Variants in PSD2 observed in about 807,000 individuals in gnomAD.
PSD2 encodes PH and SEC7 domain-containing protein 2.
A neutral mutation model predicts 69.8 loss-of-function variants in PSD2; 38 were observed. The observed-to-expected ratio is 0.54, with a 90% CI of 0.42 to 0.71. The LOEUF (loss-of-function observed/expected upper bound fraction) is 0.71. Ranked by LOEUF, PSD2 falls within the 30% of genes least tolerant of loss-of-function variation. The pLI, the probability that PSD2 is intolerant of heterozygous loss-of-function variation, is 0.00. For missense variants in PSD2, 943 were observed against 1,014.5 expected (o/e 0.93, Z 0.96); for synonymous variants, 412 against 423.0 (o/e 0.97, Z 0.32).
Position 139,837,759 on chromosome 5 carries a change from G to A in PSD2, c.1800G>A (p.Trp600Ter). 1 of 1,613,028 alleles carries A rather than the reference G, an allele frequency of 6.2e-7. No homozygotes were observed. The highest frequency in any genetic ancestry group is 1.1e-5 in the South Asian group (1 of 91,020). ...SNVLKLKTAD[W>*]RVFLFQAPSK... ...TGCTGAAGCTTAAGACAGCCGACTG[G>A]AGGGTATTCCTCTTCCAGGCACCGT... is the stretch of plus-strand genomic sequence containing the variant. Residue 600 changes from tryptophan (W) to a stop codon, truncating the protein, a stop_gained, in exon 12 of 15, where the codon TGG becomes TGA. Coordinates refer to ENST00000274710, the MANE Select transcript of PSD2 (RefSeq NM_032289.4). LOFTEE classifies it high-confidence loss of function. This position sits in a 1 kb window ranked among gnomAD's most constrained non-coding sequence, Gnocchi z 5.0.
In PSD2 at chr5:139,842,507, G is replaced by T; in HGVS notation, c.*33G>T. ...GGATTTGCAGACCCCAGGGTGGGCA[G>T]ATGTCTCCAGTGGGGTCAGTGAGCA... On this transcript the variant is annotated 3_prime_UTR_variant, in exon 15 of 15. Transcript: ENST00000274710. The T allele has an allele frequency of 6.3e-7, 1 of 1,592,552 alleles. No individual in the cohort carries two copies. Among genetic ancestry groups the T allele is most frequent in the African/African-American group, 1.3e-5 (1 of 74,650 alleles).
At chr5:139,757,928 C>T in the PSD2 span, among the ~76,000 whole-genome samples, 1 of 152,082 alleles carries the variant, frequency 6.6e-6, no homozygotes, top group Non-Finnish European at 1.5e-5. Context: ...GTAGTCCCAG[C>T]GCTTTGGGAG....
the PSD2 span, among the ~76,000 whole-genome samples, chr5:139,762,053 CT>C: frequency 2.2e-4 from 33 of 151,894 alleles, no homozygotes; most frequent in Non-Finnish European, 3.2e-4. Context: ...ATTTATTTAT[CT>C]TTTTTTTGAG....
intron 5 of PSD2, among the ~76,000 whole-genome samples, chr5:139,818,132 C>T (rs548432531): frequency 2.7e-4 from 41 of 152,112 alleles, no homozygotes; most frequent in Non-Finnish European, 4.9e-4. Context: ...CAGGGGCCAG[C>T]TGGGCAGATA....
At chr5:139,835,500 CT>C (rs1258587869) in intron 8 of PSD2, among the ~76,000 whole-genome samples, 2 of 152,196 alleles carry the variant, frequency 1.3e-5, no homozygotes, top group African/African-American at 4.8e-5. Context: ...TTACAGTCTC[CT>C]ACGGGAGATT....
At chr5:139,764,527 C>T in the PSD2 span, among the ~76,000 whole-genome samples, 36 of 152,170 alleles carry the variant, frequency 2.4e-4, no homozygotes, top group Non-Finnish European at 4.3e-4. Context: ...GCCTGCCTGG[C>T]TGCGGGACCC....
chr5:139,826,914 G>A (rs1358014668), intron 7 of PSD2, among the ~76,000 whole-genome samples: 2 of 152,174 alleles, frequency 1.3e-5, no homozygotes, highest in Non-Finnish European at 2.9e-5. Context: ...GCTGGTACCC[G>A]AAGTGTCTTC....
At chr5:139,840,270 G>C (rs1222964835) in intron 14 of PSD2, 100 bp downstream of exon 14, 1 of 1,337,468 alleles carries the variant, frequency 7.5e-7, no homozygotes, top group Non-Finnish European at 1.0e-6. Flanking sequence ...TAGTGATAAA[G>C]GGGCTCATTG....
At position 139,814,031 on chromosome 5, in the gene PSD2, C is replaced by T; in HGVS notation, c.822-139C>T. ...TTCTTCTGAAAGTCTGATTTCATTCCCTCCGGCTGCAGTGGAGCTTCTTTC... is the reference window on the plus strand; with the variant it reads ...TTCTTCTGAAAGTCTGATTTCATTCTCTCCGGCTGCAGTGGAGCTTCTTTC... On this transcript the variant is annotated intron_variant, in intron 3 of 14. Transcript: ENST00000274710. The surrounding 1 kb of genome is among the most constrained non-coding windows in gnomAD (Gnocchi z 4.4). 2 of 825,390 alleles carry T rather than the reference C, an allele frequency of 2.4e-6. No homozygotes were observed. Among genetic ancestry groups the T allele is most frequent in the East Asian group, 2.5e-5 (1 of 39,846 alleles). 51.1% of individuals were successfully genotyped at this position (825,390 alleles called of 1,614,324 possible). A position where few individuals can be genotyped will look rare whatever the true frequency, so the allele number is the denominator to read the frequency against.
In PSD2 at chr5:139,814,030, C is replaced by T. The variant is rs1581719822; in HGVS notation, c.822-140C>T. ...GTTCTTCTGAAAGTCTGATTTCATT[C>T]CCTCCGGCTGCAGTGGAGCTTCTTT... On this transcript the variant is annotated intron_variant, in intron 3 of 14. Transcript: ENST00000274710. This position sits in a 1 kb window ranked among gnomAD's most constrained non-coding sequence, Gnocchi z 4.4. The T allele has an allele frequency of 1.2e-6, 1 of 820,874 alleles. No individual in the cohort carries two copies. Among genetic ancestry groups the T allele is most frequent in the Admixed American group, 2.4e-5 (1 of 41,540 alleles). 50.8% of individuals were successfully genotyped at this position (820,874 alleles called of 1,614,324 possible).
intron 7 of PSD2, among the ~76,000 whole-genome samples, chr5:139,827,200 G>A (rs1189026244): frequency 1.3e-5 from 2 of 152,244 alleles, no homozygotes; most frequent in African/African-American, 4.8e-5. Context: ...GGGTTTTGGA[G>A]AGAGAGAGCC....
At chr5:139,782,751 C>G in the PSD2 span, among the ~76,000 whole-genome samples, 1 of 152,146 alleles carries the variant, frequency 6.6e-6, no homozygotes, top group Non-Finnish European at 1.5e-5. Flanking sequence ...CCTCGGCCTC[C>G]CAAAGTGCTG....
At chr5:139,835,688 C>A in intron 8 of PSD2, 35 bp from the exon 9 acceptor site, 1 of 1,610,088 alleles carries the variant, frequency 6.2e-7, no homozygotes, top group Non-Finnish European at 8.5e-7. Context: ...TGACCCTTCA[C>A]CTGAATTCCC....
At chr5:139,829,194 G>T (rs148029018) in intron 7 of PSD2, among the ~76,000 whole-genome samples, 1 of 151,970 alleles carries the variant, frequency 6.6e-6, no homozygotes, top group Non-Finnish European at 1.5e-5. Flanking sequence ...TTGCTTTTTC[G>T]CCCTGAGAAA....
In PSD2 at chr5:139,830,521, T is replaced by TCTTCCTTCCTTCCTTCCTTCCTTCCTTC. The variant is rs534774072; in HGVS notation, c.1270-3161_1270-3134dup. ...ATGTGCCATCATGCCCAGCTAATTT[T>TCTTCCTTCCTTCCTTCCTTCCTTCCTTC]CTTCCTTCCTTCCTTCCTTCCTTCC... On this transcript the variant is annotated intron_variant, in intron 7 of 14. Transcript: ENST00000274710. Among the ~76,000 whole-genome samples the TCTTCCTTCCTTCCTTCCTTCCTTCCTTC allele has an allele frequency of 1.6e-3, 160 of 97,006 alleles. 2 individuals are homozygous for TCTTCCTTCCTTCCTTCCTTCCTTCCTTC. The highest frequency in any genetic ancestry group is 2.9e-3 in the South Asian group (7 of 2,394). 63.6% of individuals were successfully genotyped at this position (97,006 alleles called of 152,430 possible).
chr5:139,763,698 G>A, the PSD2 span, among the ~76,000 whole-genome samples: 2 of 152,208 alleles, frequency 1.3e-5, no homozygotes, highest in Admixed American at 6.5e-5. Flanking sequence ...CGAGCCTCCA[G>A]GATTGGCCTC....
chr5:139,834,653 G>A (rs1302897623), intron 8 of PSD2, among the ~76,000 whole-genome samples: 1 of 152,056 alleles, frequency 6.6e-6, no homozygotes, highest in African/African-American at 2.4e-5. Context: ...TACAGGCGTA[G>A]TTGAATAATG....
the PSD2 span, among the ~76,000 whole-genome samples, chr5:139,784,687 C>A: frequency 2.0e-5 from 3 of 152,120 alleles, no homozygotes; most frequent in Admixed American, 6.6e-5. Flanking sequence ...ATATTCCCAC[C>A]CCAGGGCCTT....
At chr5:139,793,675 G>A (rs555837126), upstream of PSD2, among the ~76,000 whole-genome samples, 1 of 152,338 alleles carries the variant, frequency 6.6e-6, no homozygotes, top group Non-Finnish European at 1.5e-5. Flanking sequence ...TAGGTGCTGA[G>A]GATACACTGT....
Sources: allele counts gnomAD v4.1 joint callset (sites outside exome capture counted in the v4.1 genomes callset), GRCh38; gene constraint gnomAD v4.1.1; non-coding constraint Gnocchi (gnomAD v3.1); transcripts MANE v1.5; gene names NCBI Gene and HGNC (gene_info 2026-07-23, HGNC 2026-07-21).